Variants in DOCK10 observed in about 807,000 individuals in gnomAD.
DOCK10 encodes the protein dedicator of cytokinesis 10.
In DOCK10, 145 loss-of-function variants were observed where a neutral mutation model predicts 280.1. The ratio of observed to expected loss-of-function variants is 0.52; its 90% CI spans 0.45 to 0.59. The LOEUF (loss-of-function observed/expected upper bound fraction) is 0.59, where lower values mean the gene tolerates loss of function less well. DOCK10 is among the 20% of genes least tolerant of loss of function. The pLI, the probability that DOCK10 is intolerant of heterozygous loss-of-function variation, is 0.00. For missense variants in DOCK10, 2,368 were observed against 2,651.7 expected, an observed-to-expected ratio of 0.89 and a Z score of 2.35; for synonymous variants, 915 against 942.2, an observed-to-expected ratio of 0.97 and a Z score of 0.53.
chr2:225,038,759 T>C (rs562681780), intron 1 of DOCK10, among the ~76,000 whole-genome samples: 20 of 152,184 alleles, frequency 1.3e-4, no homozygotes, highest in South Asian at 2.1e-4. Context: ...GTCTAGGAAA[T>C]AGATGAACGG....
At chr2:225,009,123 G>A (rs1365634280) in intron 1 of DOCK10, among the ~76,000 whole-genome samples, 1 of 152,158 alleles carries the variant, frequency 6.6e-6, no homozygotes, top group Non-Finnish European at 1.5e-5. Context: ...AGGCTATACC[G>A]CCCTCTAGGG....
intron 23 of DOCK10, among the ~76,000 whole-genome samples, chr2:224,840,555 G>A (rs918962448): frequency 6.6e-6 from 1 of 152,134 alleles, no homozygotes; most frequent in Non-Finnish European, 1.5e-5. Flanking sequence ...TAAAACCACA[G>A]TGGGACATCA....
intron 1 of DOCK10, among the ~76,000 whole-genome samples, chr2:224,932,741 C>G (rs1429269977): frequency 6.6e-6 from 1 of 152,136 alleles, no homozygotes; most frequent in Non-Finnish European, 1.5e-5. Context: ...TCACACATGC[C>G]ACCCTTCCTC....
At chr2:225,013,394 C>A (rs75447112) in intron 1 of DOCK10, among the ~76,000 whole-genome samples, 1 of 152,122 alleles carries the variant, frequency 6.6e-6, no homozygotes, top group Non-Finnish European at 1.5e-5. Context: ...GTGAAATGTA[C>A]GTCAAGGTTC....
chr2:224,977,203 T>A (rs908536780), intron 1 of DOCK10, among the ~76,000 whole-genome samples: 3 of 152,212 alleles, frequency 2.0e-5, no homozygotes, highest in Non-Finnish European at 4.4e-5. Flanking sequence ...GTCCTAAATT[T>A]AAATGTTATG....
At chr2:224,902,918 C>T (rs1009505849) in intron 3 of DOCK10, among the ~76,000 whole-genome samples, 6 of 151,894 alleles carry the variant, frequency 4.0e-5, no homozygotes, top group Non-Finnish European at 5.9e-5. Flanking sequence ...ACAGTGAAAC[C>T]CCGTCTCTAC....
chr2:224,852,325 C>A, intron 18 of DOCK10, 52 bp downstream of exon 18: 1 of 1,399,740 alleles, frequency 7.1e-7, no homozygotes, highest in South Asian at 1.2e-5. Context: ...GGAAAGAATC[C>A]CTGCACCTGC....
chr2:224,842,030 G>C lies in DOCK10; in HGVS notation c.2569-134C>G, dbSNP rs1190832263. The stretch of plus-strand genomic sequence containing the variant: ...GTGCAAATGCTTTATTAAGGAGTCA[G>C]AGGAACAAAGCTTTGATGTGGACAT... On this transcript the variant is annotated intron_variant, in intron 22 of 55. Transcript: ENST00000258390. The C allele has an allele frequency of 9.2e-6, 6 of 653,992 alleles. No homozygotes were observed. In the East Asian group the frequency reaches 1.3e-4, roughly 14 times the overall value. 40.5% of individuals were successfully genotyped at this position (653,992 alleles called of 1,614,324 possible). A position where few individuals can be genotyped will look rare whatever the true frequency, so the allele number is the denominator to read the frequency against.
chr2:224,851,858 A>G (rs1409486803), intron 18 of DOCK10, among the ~76,000 whole-genome samples: 3 of 152,176 alleles, frequency 2.0e-5, no homozygotes, highest in African/African-American at 7.2e-5. Flanking sequence ...CAAACCTCAT[A>G]GTTTTATGGA....
chr2:224,881,176 T>C (rs1010855114), intron 7 of DOCK10, among the ~76,000 whole-genome samples: 1 of 152,250 alleles, frequency 6.6e-6, no homozygotes, highest in Admixed American at 6.5e-5. Context: ...GTGATAAATG[T>C]AATTTCATTC....
chr2:225,005,764 T>C lies in DOCK10; in HGVS notation c.123+36488A>G, dbSNP rs116344564. Among the ~76,000 whole-genome samples, 918 of 152,360 alleles carry C rather than the reference T, an allele frequency of 6.0e-3. 5 individuals are homozygous for C. The highest frequency in any genetic ancestry group is 0.021 in the African/African-American group (877 of 41,592). On this transcript the variant is annotated intron_variant, in intron 1 of 55. Coordinates refer to ENST00000258390, the MANE Select transcript of DOCK10 (RefSeq NM_014689.3). ...AATTGCAAATATTAGGCAAGCGTTATGGACAAACTAATGTTAAATTGAGAC... is the reference window on the plus strand; with the variant it reads ...AATTGCAAATATTAGGCAAGCGTTACGGACAAACTAATGTTAAATTGAGAC...
chr2:224,805,312 T>C lies in DOCK10; in HGVS notation c.3945A>G (p.Arg1315=). Residue 1315 remains arginine, a synonymous_variant, in exon 36 of 56, where the codon AGA becomes AGG. Transcript: ENST00000258390. This position sits in a 1 kb window ranked among gnomAD's most constrained non-coding sequence, Gnocchi z 4.3. ...EKTDNCEKIP[R]PLSLIGSTLR... ...GAGTTGAGCCAATCAAAGACAAGGG[T>C]CTTGGGATCTGGGAATTCAAGAACC... The C allele has an allele frequency of 6.2e-7, 1 of 1,612,750 alleles. No individual in the cohort carries two copies. Among genetic ancestry groups the C allele is most frequent in the Non-Finnish European group, 8.5e-7 (1 of 1,179,256 alleles).
intron 51 of DOCK10, among the ~76,000 whole-genome samples, chr2:224,775,891 C>T (rs534269898): frequency 1.3e-5 from 2 of 152,296 alleles, no homozygotes; most frequent in Non-Finnish European, 1.5e-5. Flanking sequence ...GGGCTTGTGC[C>T]GAGGAGGGAG....
At chr2:224,792,883 G>T in intron 47 of DOCK10, 91 bp downstream of exon 47, 1 of 985,520 alleles carries the variant, frequency 1.0e-6, no homozygotes, top group Non-Finnish European at 1.5e-6. Context: ...TTGCTTCTAA[G>T]AATATATTTA....
Position 225,005,306 on chromosome 2 carries a change from C to T in DOCK10, c.123+36946G>A, listed in dbSNP as rs76334472. On this transcript the variant is annotated intron_variant, in intron 1 of 55. Transcript: ENST00000258390. ...CTATTCTCCATGGGCCATCAAACCA[C>T]CTCTCAGCAATGTAAGGACATGATT... Among the ~76,000 whole-genome samples the T allele has an allele frequency of 5.5e-4, 84 of 152,272 alleles. No individual in the cohort carries two copies. The East Asian group carries it at 0.016, about 29-fold the overall frequency.
intron 2 of DOCK10, among the ~76,000 whole-genome samples, chr2:224,921,810 G>A (rs1211867870): frequency 6.6e-6 from 1 of 152,068 alleles, no homozygotes; most frequent in African/African-American, 2.4e-5. Context: ...CTGAAAAAGT[G>A]CAAGGACAGC....
chr2:224,928,683 G>C (rs530981828), intron 2 of DOCK10, among the ~76,000 whole-genome samples: 10 of 152,254 alleles, frequency 6.6e-5, no homozygotes, highest in East Asian at 5.8e-4. Context: ...TTAAAATTTA[G>C]CCATTTGGAG....
chr2:224,879,253 C>A (rs967560606), intron 7 of DOCK10, among the ~76,000 whole-genome samples: 1 of 152,182 alleles, frequency 6.6e-6, no homozygotes, highest in Admixed American at 6.5e-5. Flanking sequence ...AGACGCCCCA[C>A]TCTCCCCAGG....
chr2:224,961,468 T>TTCTTTCTTTCTTTCTTTC (rs10672849), intron 1 of DOCK10, among the ~76,000 whole-genome samples: 1,078 of 66,646 alleles, frequency 0.016, 29 homozygotes, highest in East Asian at 0.026. Context: ...CTTTCTTTCT[T>TTCTTTCTTTCTTTCTTTC]TTTCTTTCTT....
Sources: gnomAD v4.1 joint callset for allele counts (sites outside exome capture counted in the v4.1 genomes callset) on GRCh38, gnomAD v4.1.1 for gene constraint, Gnocchi (gnomAD v3.1) non-coding constraint, MANE v1.5 for transcripts, NCBI Gene and HGNC (gene_info 2026-07-23, HGNC 2026-07-21) for gene names.